Variants in RFXANK observed in about 807,000 individuals in gnomAD.
RFXANK encodes DNA-binding protein RFXANK.
RFXANK carries 19 observed loss-of-function variants against 34.5 expected under a neutral mutation model. The observed-to-expected ratio is 0.55, with a 90% CI of 0.38 to 0.81. The LOEUF is 0.81. Ranked by LOEUF, RFXANK falls within the 30% of genes least tolerant of loss-of-function variation. RFXANK has a pLI of 0.00. For synonymous variants in RFXANK, 154 were observed against 149.8 expected (o/e 1.03, Z -0.20); for missense variants, 295 against 343.5 (o/e 0.86, Z 1.12).
chr19:19,199,686 G>A (rs928988371), intron 9 of RFXANK, among the ~76,000 whole-genome samples: 1 of 152,158 alleles, frequency 6.6e-6, no homozygotes, highest in African/African-American at 2.4e-5. Context: ...CCCCTGCGGA[G>A]GCCTGGCAGT....
At chr19:19,196,889 A>AG in intron 3 of RFXANK, 74 bp from the exon 4 acceptor site, 2 of 1,380,940 alleles carry the variant, frequency 1.4e-6, no homozygotes, top group Non-Finnish European at 1.0e-6. Context: ...ACAAAAAAAA[A>AG]CAGATGGGCT....
In RFXANK at chr19:19,192,416, G is replaced by A. The variant is rs1568572975; in HGVS notation, c.-288G>A. 7 of 517,302 alleles carry A rather than the reference G, an allele frequency of 1.4e-5. No individual in the cohort carries two copies. The highest frequency in any genetic ancestry group is 1.7e-5 in the Non-Finnish European group (5 of 286,740). The allele number at this position is 517,302 out of a possible 1,614,324, so 32.0% of individuals were successfully genotyped here. On this transcript the variant is annotated 5_prime_UTR_variant, in exon 1 of 10. Transcript: ENST00000303088. ...TCCCTTTCTGAACCCCCTTTTCCTT[G>A]AGAGACGAGTTGGGGGAGTCCTCCA...
intron 8 of RFXANK, 143 bp from the exon 9 acceptor site, chr19:19,199,011 C>T: frequency 1.2e-6 from 1 of 854,230 alleles, no homozygotes; most frequent in Non-Finnish European, 1.9e-6. Flanking sequence ...GAGGTTGGAC[C>T]CTTGTCAAAG....
chr19:19,201,209 G>A (rs1433581900), intron 9 of RFXANK, among the ~76,000 whole-genome samples: 3 of 152,182 alleles, frequency 2.0e-5, no homozygotes, highest in Non-Finnish European at 4.4e-5. Flanking sequence ...CAAAGTGCTA[G>A]GATTACAGGT....
intron 9 of RFXANK, 60 bp from the exon 10 acceptor site, chr19:19,201,589 G>C: frequency 6.2e-7 from 1 of 1,612,436 alleles, no homozygotes; most frequent in Non-Finnish European, 8.5e-7. Context: ...AGGTTGGCCT[G>C]TGCCTCCACC....
intron 5 of RFXANK, 116 bp downstream of exon 5, chr19:19,197,367 CTG>C (rs893886137): frequency 3.2e-6 from 4 of 1,256,710 alleles, no homozygotes; most frequent in African/African-American, 2.9e-5. Flanking sequence ...TTGTATCTAA[CTG>C]TGTGTGTGAC....
In RFXANK at chr19:19,198,687, C is replaced by A. The variant is rs749859039; in HGVS notation, c.595C>A (p.Arg199Ser). Reference sequence around the variant, plus strand: ...AGGGACGCCACTGCTGTACGCTGTGCGCGGGAACCACGTGAAATGCGTTGA... The same window carrying A: ...AGGGACGCCACTGCTGTACGCTGTGAGCGGGAACCACGTGAAATGCGTTGA... ...NGGTPLLYAV[R>S]GNHVKCVEAL... Residue 199 changes from arginine to serine, a missense_variant, in exon 8 of 10, where the codon CGC becomes AGC. Physicochemically the swap from Arg to Ser is moderately radical, Grantham distance 110. Transcript: ENST00000303088. 1 of 1,613,880 alleles carries A rather than the reference C, an allele frequency of 6.2e-7. No homozygotes were observed. The highest frequency in any genetic ancestry group is 1.3e-5 in the African/African-American group (1 of 75,068).
At chr19:19,195,453 C>T (rs968212520) in intron 3 of RFXANK, among the ~76,000 whole-genome samples, 1 of 151,310 alleles carries the variant, frequency 6.6e-6, no homozygotes, top group Non-Finnish European at 1.5e-5. Context: ...AGCTGGCATG[C>T]ACCACCACAT....
At chr19:19,195,696 C>T (rs944303658) in intron 3 of RFXANK, among the ~76,000 whole-genome samples, 4 of 151,326 alleles carry the variant, frequency 2.6e-5, no homozygotes, top group Non-Finnish European at 4.4e-5. Flanking sequence ...GGACTTATTC[C>T]TTGTGCTCCG....
chr19:19,198,197 C>A lies in RFXANK; in HGVS notation c.529C>A (p.Leu177Met), dbSNP rs151053440. 1 of 1,614,178 alleles carries A rather than the reference C, an allele frequency of 6.2e-7. No homozygotes were observed. The highest frequency in any genetic ancestry group is 2.2e-5 in the East Asian group (1 of 44,882). ...GGYTDIVGLLLERDVDINIYD... is the reference protein window; with the variant it reads ...GGYTDIVGLLMERDVDINIYD... The stretch of plus-strand genomic sequence containing the variant: ...CTACACAGACATTGTGGGGCTGCTG[C>A]TGGAGCGTGACGTGGACATCAACAT... Residue 177 changes from leucine to methionine, a missense_variant, in exon 7 of 10, where the codon CTG becomes ATG. Transcript: ENST00000303088.
chr19:19,195,206 T>C (rs36070824), intron 3 of RFXANK, among the ~76,000 whole-genome samples: 3,414 of 108,344 alleles, frequency 0.032, 50 homozygotes, highest in Non-Finnish European at 0.044. Context: ...CTACAGTCCG[T>C]TTTTTTTTTT....
intron 3 of RFXANK, among the ~76,000 whole-genome samples, chr19:19,194,920 A>C (rs1221284944): frequency 6.6e-6 from 1 of 152,038 alleles, no homozygotes; most frequent in Non-Finnish European, 1.5e-5. Flanking sequence ...GGAGTCCAAG[A>C]ATATGCCTAA....
intron 2 of RFXANK, among the ~76,000 whole-genome samples, chr19:19,193,545 A>G (rs1279903294): frequency 6.6e-6 from 1 of 150,376 alleles, no homozygotes; most frequent in East Asian, 2.0e-4. Flanking sequence ...CCTCCCGAGT[A>G]GCTGGGATCA....
intron 3 of RFXANK, among the ~76,000 whole-genome samples, chr19:19,196,661 T>C (rs2060604294): frequency 6.6e-6 from 1 of 151,296 alleles, no homozygotes; most frequent in South Asian, 2.1e-4. Flanking sequence ...GGTCAGGAGT[T>C]TGAAATTAGC....
Position 19,198,752 on chromosome 19 carries a change from G to A in RFXANK, c.631+29G>A, listed in dbSNP as rs1261468416. The A allele has an allele frequency of 3.1e-6, 5 of 1,611,866 alleles. No homozygotes were observed. In the Admixed American group the frequency reaches 8.3e-5, roughly 27 times the overall value. On this transcript the variant is annotated intron_variant, in intron 8 of 9. Transcript: ENST00000303088. ...AGTGGGAGTCGGGAGTGGCCCTGGG[G>A]GCCCCAGCACTCCAGCGGGCCCTGC...
rs755666778 is a variant in RFXANK, at chr19:19,198,683, T to C, written c.591T>C (p.Ala197=). Residue 197 remains alanine, a synonymous_variant, in exon 8 of 10, where the codon GCT becomes GCC. Transcript: ENST00000303088. ...DWNGGTPLLY[A]VRGNHVKCVE... The stretch of plus-strand genomic sequence containing the variant: ...ATGGAGGGACGCCACTGCTGTACGC[T>C]GTGCGCGGGAACCACGTGAAATGCG... 6.8e-6 allele frequency: 11 copies of C among 1,613,790 alleles called. No homozygotes were observed. In the East Asian group the frequency reaches 2.0e-4, roughly 29 times the overall value.
Position 19,192,409 on chromosome 19 carries a change from T to C in RFXANK, c.-295T>C. On this transcript the variant is annotated 5_prime_UTR_variant, in exon 1 of 10. Coordinates refer to ENST00000303088, the MANE Select transcript of RFXANK (RefSeq NM_003721.4). ...AACTCTCTCCCTTTCTGAACCCCCT[T>C]TTCCTTGAGAGACGAGTTGGGGGAG... is the stretch of plus-strand genomic sequence containing the variant. 3.8e-6 allele frequency: 2 copies of C among 532,762 alleles called. No individual in the cohort carries two copies. Among genetic ancestry groups the C allele is most frequent in the Non-Finnish European group, 6.7e-6 (2 of 296,370 alleles). The allele number at this position is 532,762 out of a possible 1,614,324, so 33.0% of individuals were successfully genotyped here.
rs2060518791 is a variant in RFXANK, at chr19:19,193,093, G to C, written c.-16G>C. The C allele has an allele frequency of 6.6e-6, 1 of 152,280 alleles. No individual in the cohort carries two copies. The highest frequency in any genetic ancestry group is 1.5e-5 in the Non-Finnish European group (1 of 68,110). The allele number at this position is 152,280 out of a possible 1,614,324, so 9.4% of individuals were successfully genotyped here. On this transcript the variant is annotated 5_prime_UTR_variant, in exon 2 of 10. Coordinates refer to ENST00000303088, the MANE Select transcript of RFXANK (RefSeq NM_003721.4). ...CGGCGCGGGGGGACAGAGGAGGCTC[G>C]TGGGGAGGTGAGTGGACCTCCTGGA... is the stretch of plus-strand genomic sequence containing the variant.
intron 9 of RFXANK, among the ~76,000 whole-genome samples, chr19:19,200,339 G>A (rs541864499): frequency 1.4e-4 from 21 of 151,550 alleles, no homozygotes; most frequent in African/African-American, 4.6e-4. Context: ...CATGACGCCC[G>A]GCTAATTTTT....
Sources: allele counts gnomAD v4.1 joint callset (sites outside exome capture counted in the v4.1 genomes callset), GRCh38; gene constraint gnomAD v4.1.1; transcripts MANE v1.5; gene names NCBI Gene and HGNC (gene_info 2026-07-23, HGNC 2026-07-21).